The following AKAP4 variants were observed in gnomAD, a reference collection of about 807,000 sequenced individuals.
AKAP4 encodes A-kinase anchoring protein 4, also known as A-kinase anchor protein 4.
Under a neutral mutation model 42.6 loss-of-function variants are expected in AKAP4, and 4 were observed. The ratio of observed to expected loss-of-function variants is 0.09; its 90% CI spans 0.05 to 0.22. The LOEUF (loss-of-function observed/expected upper bound fraction) is 0.22, where lower values mean the gene tolerates loss of function less well. Among genes scored for constraint, AKAP4 ranks in the 10% least tolerant of loss-of-function variants. The pLI, the probability that AKAP4 is intolerant of heterozygous loss-of-function variation, is 1.00. For missense variants in AKAP4, 551 were observed against 630.7 expected, an observed-to-expected ratio of 0.87 and a Z score of 1.35; for synonymous variants, 223 against 233.0, an observed-to-expected ratio of 0.96 and a Z score of 0.39.
In AKAP4 at chrX:50,190,909, G is replaced by C; in HGVS notation, c.*51C>G. ...GCCTGATGGTGGGGGTGCTCTGGCT[G>C]GGATGGAATGCTGCTAGGGGGGCTA... On this transcript the variant is annotated 3_prime_UTR_variant, in exon 6 of 6. Transcript: ENST00000358526. The C allele has an allele frequency of 6.7e-6, 8 of 1,197,241 alleles. No individual in the cohort carries two copies. The highest frequency in any genetic ancestry group is 9.0e-6 in the Non-Finnish European group (8 of 886,720).
rs782658466 is a variant in AKAP4 at position 50,192,694 on chromosome X, C to T, written c.2019G>A (p.Ala673=). 2.2e-5 allele frequency: 27 copies of T among 1,210,243 alleles called. No homozygotes were observed. In the Admixed American group the frequency reaches 2.8e-4, roughly 13 times the overall value. Residue 673 remains alanine, a synonymous_variant, in exon 5 of 6, where the codon GCG becomes GCA. Coordinates refer to ENST00000358526, the MANE Select transcript of AKAP4 (RefSeq NM_003886.3). ...CTTGATGCTCCTGGCATTGTTCTTC[C>T]GCTTTGTCAGATCTGTTGGACATGG... ...AASMSNRSDK[A]EEQCQEHQEL... is the part of the protein sequence containing the mutation.
Position 50,192,791 on chromosome X carries a change from T to C in AKAP4, c.1922A>G (p.Asn641Ser). 1.7e-6 allele frequency: 2 copies of C among 1,211,054 alleles called. No individual in the cohort carries two copies. The highest frequency in any genetic ancestry group is 2.2e-6 in the Non-Finnish European group (2 of 895,310). Residue 641 changes from asparagine (N) to serine (S), a missense_variant, in exon 5 of 6, where the codon AAC becomes AGC. Physicochemically the swap from Asn to Ser is conservative, Grantham distance 46. Coordinates refer to ENST00000358526, the MANE Select transcript of AKAP4 (RefSeq NM_003886.3). The part of the protein sequence containing the change: ...LMLIQKLLNE[N>S]PFKCEDPCEG... ...GCATGGATCCTCACATTTGAAGGGG[T>C]TCTCATTAAGCAGTTTCTGAATCAG...
rs1557203980 is a variant in AKAP4, at chrX:50,193,528, C to T, written c.1185G>A (p.Gly395=). The change falls in exon 5 of 6, where the codon GGG becomes GGA. Residue 395 remains glycine (G), a synonymous_variant. Transcript: ENST00000358526. The stretch of plus-strand genomic sequence containing the variant: ...CAAAGTCTGAGTCAGTCATCAGGAC[C>T]CCAGTAATATTATGCAGGTTCTTCA... ...SCMKNLHNIT[G]VLMTDSDFVS... 8.3e-7 allele frequency: 1 copy of T among 1,211,584 alleles called. No individual in the cohort carries two copies. The highest frequency in any genetic ancestry group is 3.0e-5 in the East Asian group (1 of 33,840).
In AKAP4 at chrX:50,198,827, C is replaced by T. The variant is rs1404497811; in HGVS notation, c.28-75G>A. 16 of 785,306 alleles carry T rather than the reference C, an allele frequency of 2.0e-5. No homozygotes were observed. The African/African-American group carries it at 3.3e-4, about 16-fold the overall frequency. The allele number at this position is 785,306 out of a possible 1,213,427, so 64.7% of individuals were successfully genotyped here. On this transcript the variant is annotated intron_variant, in intron 1 of 5. Coordinates refer to ENST00000358526, the MANE Select transcript of AKAP4 (RefSeq NM_003886.3). Reference sequence around the variant, plus strand: ...AAACCGGGTCAATTTGGATAAGAATCTCTGGAGGGGTTCTGAAATCCATTT... The same window carrying T: ...AAACCGGGTCAATTTGGATAAGAATTTCTGGAGGGGTTCTGAAATCCATTT...
At position 50,192,630 on chromosome X, in the gene AKAP4, G is replaced by T. The variant is rs1224517588; in HGVS notation, c.2083C>A (p.Gln695Lys). 4.1e-6 allele frequency: 5 copies of T among 1,211,069 alleles called. No individual in the cohort carries two copies. Among genetic ancestry groups the T allele is most frequent in the Non-Finnish European group, 5.6e-6 (5 of 895,458 alleles). ...GATTCTACTAGTTTATCTATAAATTGCCCGTTCGCTTGCTTCATCCCACTG... is the reference window on the plus strand; with the variant it reads ...GATTCTACTAGTTTATCTATAAATTTCCCGTTCGCTTGCTTCATCCCACTG... ...CTSGMKQANG[Q>K]FIDKLVESVM... The change falls in exon 5 of 6, where the codon CAA becomes AAA. Residue 695 changes from glutamine (Q) to lysine (K), a missense_variant. Gln to Lys is a moderately conservative substitution (Grantham distance 53, BLOSUM62 1). Coordinates refer to ENST00000358526, the MANE Select transcript of AKAP4 (RefSeq NM_003886.3).
intron 4 of AKAP4, among the ~76,000 whole-genome samples, chrX:50,194,799 T>G (rs1935169398): frequency 9.0e-6 from 1 of 111,381 alleles, no homozygotes. Flanking sequence ...CATTCTGTAT[T>G]GTTAGTGTGT....
intron 4 of AKAP4, among the ~76,000 whole-genome samples, chrX:50,196,418 T>C (rs900213491): frequency 9.0e-6 from 1 of 111,644 alleles, no homozygotes; most frequent in Non-Finnish European, 1.9e-5. Flanking sequence ...GGAGTTTGTA[T>C]GTCACAGTGG....
chrX:50,194,814 A>C (rs1935169482), intron 4 of AKAP4, among the ~76,000 whole-genome samples: 2 of 111,277 alleles, frequency 1.8e-5, no homozygotes, highest in African/African-American at 6.5e-5. Context: ...GTGTGTGAAA[A>C]TGTGCTTCTG....
Position 50,193,078 on chromosome X carries a change from A to T in AKAP4, c.1635T>A (p.Ile545=), listed in dbSNP as rs782044480. The change falls in exon 5 of 6, where the codon ATT becomes ATA. Residue 545 remains isoleucine (I), a synonymous_variant. Coordinates refer to ENST00000358526, the MANE Select transcript of AKAP4 (RefSeq NM_003886.3). The part of the protein sequence containing the change: ...ASTDSLAKDL[I]VSALKLIQYH... ...ACTGGATCAGCTTAAGGGCAGAGACAATCAGGTCCTTGGCCAGTGAATCTG... is the reference window on the plus strand; with the variant it reads ...ACTGGATCAGCTTAAGGGCAGAGACTATCAGGTCCTTGGCCAGTGAATCTG... 18 of 1,210,209 alleles carry T rather than the reference A, an allele frequency of 1.5e-5. No individual in the cohort carries two copies. Among genetic ancestry groups the T allele is most frequent in the East Asian group, 1.2e-4 (4 of 33,766 alleles).
rs782157630 is a variant in AKAP4 at position 50,195,339 on chromosome X, C to T, written c.277-903G>A. On this transcript the variant is annotated intron_variant, in intron 4 of 5. Coordinates refer to ENST00000358526, the MANE Select transcript of AKAP4 (RefSeq NM_003886.3). ...ATGTGTGTGAGTAGGTGTGTTATTG[C>T]ATTTGTGTCAACAGTGTATGTATCA... Among the ~76,000 whole-genome samples the T allele has an allele frequency of 1.3e-4, 14 of 111,641 alleles. No homozygotes were observed. In the East Asian group the frequency reaches 3.4e-3, roughly 27 times the overall value.
chrX:50,191,020 A>G lies in AKAP4; in HGVS notation c.2505T>C (p.Asp835=). The G allele has an allele frequency of 8.3e-7, 1 of 1,211,263 alleles. No individual in the cohort carries two copies. The highest frequency in any genetic ancestry group is 1.7e-5 in the African/African-American group (1 of 57,627). The part of the protein sequence containing the change: ...VMKFAKERQP[D]EAVGKVARKQ... Reference sequence around the variant, plus strand: ...TCCTGGCCACCTTTCCCACAGCTTCATCTGGTTGCCGTTCCTTGGCAAACT... The same window carrying G: ...TCCTGGCCACCTTTCCCACAGCTTCGTCTGGTTGCCGTTCCTTGGCAAACT... Residue 835 remains aspartate, a synonymous_variant, in exon 6 of 6, where the codon GAT becomes GAC. Coordinates refer to ENST00000358526, the MANE Select transcript of AKAP4 (RefSeq NM_003886.3).
chrX:50,200,480 G>A, intron 1 of AKAP4: 1 of 583,599 alleles, frequency 1.7e-6, no homozygotes, highest in Non-Finnish European at 2.1e-6. Context: ...GGGCATGTTG[G>A]CAAACTCAGA....
At chrX:50,191,692 G>GAC (rs1328873257) in intron 5 of AKAP4, among the ~76,000 whole-genome samples, 1 of 106,575 alleles carries the variant, frequency 9.4e-6, no homozygotes, top group African/African-American at 3.4e-5. Flanking sequence ...GAGAGACAGA[G>GAC]AGAGAATGTG....
intron 2 of AKAP4, among the ~76,000 whole-genome samples, chrX:50,198,143 A>G (rs1477821622): frequency 1.8e-5 from 2 of 112,001 alleles, no homozygotes; most frequent in East Asian, 5.6e-4. Context: ...GATATTATGG[A>G]TAATATTTCT....
At chrX:50,197,635 G>A (rs782799881) in intron 2 of AKAP4, 41 bp from the exon 3 acceptor site, 53 of 1,116,716 alleles carry the variant, frequency 4.7e-5, no homozygotes, top group Non-Finnish European at 6.3e-5. Flanking sequence ...AAACTCTAGA[G>A]AAAGGGGCAT....
At chrX:50,197,164 T>C (rs1935201313) in intron 3 of AKAP4, among the ~76,000 whole-genome samples, 172 bp from the exon 4 acceptor site, 1 of 110,729 alleles carries the variant, frequency 9.0e-6, no homozygotes, top group Non-Finnish European at 1.9e-5. Context: ...TGAGACGAAG[T>C]TCCCTCCACA....
At position 50,193,742 on chromosome X, in the gene AKAP4, TCTTTGCTCTCTC is replaced by T. The variant is rs782178303; in HGVS notation, c.959_970del (p.Arg320_Glu324delinsLys). On this transcript the variant is annotated inframe_deletion, in exon 5 of 6. Transcript: ENST00000358526. ...CCCCTTGCTGATGGAATCTGCAAAT[TCTTTGCTCTCTC>T]TCTGGGACATCTGTTTGTCTCCACT... The T allele has an allele frequency of 6.6e-6, 8 of 1,209,757 alleles. No individual in the cohort carries two copies. In the South Asian group the frequency reaches 1.4e-4, roughly 21 times the overall value.
At chrX:50,198,529 C>T (rs1935219572) in intron 2 of AKAP4, 128 bp downstream of exon 2, 1 of 458,514 alleles carries the variant, frequency 2.2e-6, no homozygotes, top group Admixed American at 3.3e-5. Flanking sequence ...CCCTGACAGA[C>T]CTTGTTGAGC....
At chrX:50,200,783 C>A in intron 1 of AKAP4, 80 bp downstream of exon 1, 2 of 947,683 alleles carry the variant, frequency 2.1e-6, no homozygotes, top group Non-Finnish European at 3.0e-6. Flanking sequence ...AACTTGGAGG[C>A]TGCCTCAGCA....
Sources: gnomAD v4.1 joint callset for allele counts (sites outside exome capture counted in the v4.1 genomes callset) on GRCh38, gnomAD v4.1.1 for gene constraint, MANE v1.5 for transcripts, NCBI Gene and HGNC (gene_info 2026-07-23, HGNC 2026-07-21) for gene names.